The following NOCT variants were observed in gnomAD, a reference collection of about 807,000 sequenced individuals.
NOCT encodes the protein nocturnin.
NOCT carries 18 observed loss-of-function variants against 35.0 expected under a neutral mutation model. The observed-to-expected ratio is 0.51, with a 90% CI of 0.36 to 0.76. NOCT has a LOEUF of 0.76. Ranked by LOEUF, NOCT falls within the 30% of genes least tolerant of loss-of-function variation. The pLI is 0.01. For missense variants in NOCT, 479 were observed against 541.0 expected, an observed-to-expected ratio of 0.89 and a Z score of 1.14; for synonymous variants, 235 against 226.3, an observed-to-expected ratio of 1.04 and a Z score of -0.34.
intron 1 of NOCT, among the ~76,000 whole-genome samples, chr4:139,017,423 T>G (rs1726333236): frequency 6.6e-6 from 1 of 151,490 alleles, no homozygotes; most frequent in Non-Finnish European, 1.5e-5. Context: ...AGATGGGGTT[T>G]CTCCATGTTG....
chr4:139,043,414 A>G (rs1229122323), intron 2 of NOCT, 71 bp downstream of exon 2: 7 of 1,443,484 alleles, frequency 4.8e-6, no homozygotes, highest in Non-Finnish European at 6.8e-6. Context: ...GCACATCCAC[A>G]GTGCACTGTT....
At position 139,015,838 on chromosome 4, in the gene NOCT, T is replaced by TAAAAAA; in HGVS notation, c.-144_-143insAAAAAA. 1 of 593,568 alleles carries TAAAAAA rather than the reference T, an allele frequency of 1.7e-6. No individual in the cohort carries two copies. The highest frequency in any genetic ancestry group is 7.3e-5 in the South Asian group (1 of 13,686). The allele number at this position is 593,568 out of a possible 1,614,324, so 36.8% of individuals were successfully genotyped here. Reference sequence around the variant, plus strand: ...CTCTCCGGCTCTGCTGCCCGGGATTTCCCCAGAACCTGCGCCGCGCGAGAA... The same window carrying TAAAAAA: ...CTCTCCGGCTCTGCTGCCCGGGATTTAAAAAACCCCAGAACCTGCGCCGCGCGAGAA... On this transcript the variant is annotated 5_prime_UTR_variant, in exon 1 of 3. Coordinates refer to ENST00000280614, the MANE Select transcript of NOCT (RefSeq NM_012118.4).
At chr4:139,023,092 C>G (rs1239659750) in intron 1 of NOCT, among the ~76,000 whole-genome samples, 1 of 151,412 alleles carries the variant, frequency 6.6e-6, no homozygotes, top group Non-Finnish European at 1.5e-5. Context: ...CACAGCAAGA[C>G]TCCATCTCAA....
rs1442176845 is a variant in NOCT at position 139,015,812 on chromosome 4, C to T, written c.-170C>T. 4 of 449,088 alleles carry T rather than the reference C, an allele frequency of 8.9e-6. No homozygotes were observed. The highest frequency in any genetic ancestry group is 1.4e-5 in the Non-Finnish European group (4 of 283,980). 27.8% of individuals were successfully genotyped at this position (449,088 alleles called of 1,614,324 possible). ...TGCCGACGCAGCGGTGTTGCACCTC[C>T]CTCTCCGGCTCTGCTGCCCGGGATT... is the stretch of plus-strand genomic sequence containing the variant. On this transcript the variant is annotated 5_prime_UTR_variant, in exon 1 of 3. Coordinates refer to ENST00000280614, the MANE Select transcript of NOCT (RefSeq NM_012118.4).
Position 139,024,217 on chromosome 4 carries a change from T to C in NOCT, c.190+8046T>C, listed in dbSNP as rs546672090. On this transcript the variant is annotated intron_variant, in intron 1 of 2. Transcript: ENST00000280614. ...CTGGGACTATAGGTGTGCTCCACCA[T>C]GCCTACCTACTTTTATTTTTTTGTA... is the stretch of plus-strand genomic sequence containing the variant. Among the ~76,000 whole-genome samples, 44 of 152,150 alleles carry C rather than the reference T, an allele frequency of 2.9e-4. 1 individual carries two copies. In the South Asian group the frequency reaches 8.9e-3, roughly 31 times the overall value.
chr4:139,041,013 A>G (rs1276667293), intron 1 of NOCT, among the ~76,000 whole-genome samples: 1 of 152,242 alleles, frequency 6.6e-6, no homozygotes, highest in African/African-American at 2.4e-5. Flanking sequence ...AATTAAAATG[A>G]AATTATTGAA....
chr4:139,016,838 G>T (rs372626362), intron 1 of NOCT, among the ~76,000 whole-genome samples: 2 of 151,672 alleles, frequency 1.3e-5, no homozygotes, highest in Admixed American at 1.3e-4. Flanking sequence ...ATATTTAGTA[G>T]AGACGGGGGT....
Position 139,045,593 on chromosome 4 carries a change from T to A in NOCT, c.*119T>A. On this transcript the variant is annotated 3_prime_UTR_variant, in exon 3 of 3. Transcript: ENST00000280614. ...GTACAGTGGCCTGATCTCGGCTCAC[T>A]GCAAGATCCGCCTCCCGGGTTCATG... 1 of 577,550 alleles carries A rather than the reference T, an allele frequency of 1.7e-6. No homozygotes were observed. The highest frequency in any genetic ancestry group is 2.8e-6 in the Non-Finnish European group (1 of 352,030). The allele number at this position is 577,550 out of a possible 1,614,324, so 35.8% of individuals were successfully genotyped here. A position where few individuals can be genotyped will look rare whatever the true frequency, so the allele number is the denominator to read the frequency against.
intron 1 of NOCT, among the ~76,000 whole-genome samples, chr4:139,029,131 G>A (rs899143352): frequency 6.6e-6 from 1 of 152,144 alleles, no homozygotes; most frequent in African/African-American, 2.4e-5. Flanking sequence ...GAGCCACCAC[G>A]CCCAGCTGAA....
chr4:139,018,051 A>G (rs1186323114), intron 1 of NOCT, among the ~76,000 whole-genome samples: 1 of 152,042 alleles, frequency 6.6e-6, no homozygotes, highest in Non-Finnish European at 1.5e-5. Context: ...ATTCTGAACT[A>G]TATTGTTCCT....
At position 139,018,371 on chromosome 4, in the gene NOCT, T is replaced by C. The variant is rs180684877; in HGVS notation, c.190+2200T>C. On this transcript the variant is annotated intron_variant, in intron 1 of 2. Coordinates refer to ENST00000280614, the MANE Select transcript of NOCT (RefSeq NM_012118.4). ...TGTGTTATCTGAGTAATTACTGTTATCTGAGTAATAATATCAGGTCAGATT... is the reference window on the plus strand; with the variant it reads ...TGTGTTATCTGAGTAATTACTGTTACCTGAGTAATAATATCAGGTCAGATT... Among the ~76,000 whole-genome samples, 284 of 152,346 alleles carry C rather than the reference T, an allele frequency of 1.9e-3. 3 individuals are homozygous for C. The highest frequency in any genetic ancestry group is 9.6e-4 in the Non-Finnish European group (65 of 68,042).
chr4:139,033,670 C>T (rs72947666), intron 1 of NOCT, among the ~76,000 whole-genome samples: 28,560 of 150,892 alleles, frequency 0.19, 3,020 homozygotes, highest in Middle Eastern at 0.36. Flanking sequence ...GGAGTGAGAC[C>T]CTGTCTCCAA....
chr4:139,019,552 C>A (rs1420583194), intron 1 of NOCT, among the ~76,000 whole-genome samples: 1 of 152,234 alleles, frequency 6.6e-6, no homozygotes, highest in African/African-American at 2.4e-5. Context: ...CCAAAAGCTC[C>A]TCTCCACTCC....
At chr4:139,033,326 T>C (rs1422540217) in intron 1 of NOCT, among the ~76,000 whole-genome samples, 1 of 151,652 alleles carries the variant, frequency 6.6e-6, no homozygotes, top group Non-Finnish European at 1.5e-5. Flanking sequence ...GAGTGTGCCT[T>C]TGCACTCCAG....
At chr4:139,017,518 GC>G (rs1197362348) in intron 1 of NOCT, among the ~76,000 whole-genome samples, 5 of 139,930 alleles carry the variant, frequency 3.6e-5, no homozygotes, top group Non-Finnish European at 6.3e-5. Flanking sequence ...GTGAGCCACC[GC>G]CCCCCCGGCC....
At chr4:139,030,652 T>C (rs546902366) in intron 1 of NOCT, among the ~76,000 whole-genome samples, 1 of 152,326 alleles carries the variant, frequency 6.6e-6, no homozygotes, top group South Asian at 2.1e-4. Context: ...AATAAATATA[T>C]TGTATATCCA....
In NOCT at chr4:139,016,189, C is replaced by G. The variant is rs1180324644; in HGVS notation, c.190+18C>G. Reference sequence around the variant, plus strand: ...CCGAACAGGTGAGTGCACCCCAGTTCCGGGCGGAGAACGCCACGGCCGCCA... The same window carrying G: ...CCGAACAGGTGAGTGCACCCCAGTTGCGGGCGGAGAACGCCACGGCCGCCA... On this transcript the variant is annotated intron_variant, in intron 1 of 2. Transcript: ENST00000280614. 3.6e-5 allele frequency: 44 copies of G among 1,232,798 alleles called. No homozygotes were observed. In the East Asian group the frequency reaches 1.3e-3, roughly 38 times the overall value. The allele number at this position is 1,232,798 out of a possible 1,614,324, so 76.4% of individuals were successfully genotyped here. A position where few individuals can be genotyped will look rare whatever the true frequency, so the allele number is the denominator to read the frequency against.
At position 139,015,823 on chromosome 4, in the gene NOCT, C is replaced by T. The variant is rs948790358; in HGVS notation, c.-159C>T. ...CGGTGTTGCACCTCCCTCTCCGGCT[C>T]TGCTGCCCGGGATTTCCCCAGAACC... is the stretch of plus-strand genomic sequence containing the variant. On this transcript the variant is annotated 5_prime_UTR_variant, in exon 1 of 3. Coordinates refer to ENST00000280614, the MANE Select transcript of NOCT (RefSeq NM_012118.4). 15 of 516,058 alleles carry T rather than the reference C, an allele frequency of 2.9e-5. No homozygotes were observed. Among genetic ancestry groups the T allele is most frequent in the Non-Finnish European group, 4.4e-5 (15 of 344,262 alleles). The allele number at this position is 516,058 out of a possible 1,614,324, so 32.0% of individuals were successfully genotyped here. A position where few individuals can be genotyped will look rare whatever the true frequency, so the allele number is the denominator to read the frequency against.
chr4:139,034,963 T>C (rs1726702924), intron 1 of NOCT, among the ~76,000 whole-genome samples: 1 of 152,200 alleles, frequency 6.6e-6, no homozygotes, highest in African/African-American at 2.4e-5. Flanking sequence ...ATTCAGTCTT[T>C]TCTGTGCATT....
Sources: allele counts gnomAD v4.1 joint callset (sites outside exome capture counted in the v4.1 genomes callset), GRCh38; gene constraint gnomAD v4.1.1; transcripts MANE v1.5; gene names NCBI Gene and HGNC (gene_info 2026-07-23, HGNC 2026-07-21).